INTS4: variants seen among roughly 807,000 people sequenced by gnomAD.
The protein encoded by INTS4 is integrator complex subunit 4.
Under a neutral mutation model 119.5 loss-of-function variants are expected in INTS4, and 70 were observed. That is an observed-to-expected ratio of 0.59 (90% CI 0.48 to 0.71). The LOEUF (loss-of-function observed/expected upper bound fraction) is 0.71. Ranked by LOEUF, INTS4 falls within the 30% of genes least tolerant of loss-of-function variation. The probability of loss-of-function intolerance (pLI) is 0.00; values close to 1 mark genes in which losing one functional copy is unlikely to be tolerated. For missense variants in INTS4, 867 were observed against 1,173.2 expected (o/e 0.74, Z 3.81); for synonymous variants, 316 against 419.6 (o/e 0.75, Z 3.02).
At chr11:77,938,222 T>C (rs1953848059) in intron 10 of INTS4, among the ~76,000 whole-genome samples, 1 of 152,204 alleles carries the variant, frequency 6.6e-6, no homozygotes, top group Admixed American at 6.5e-5. Context: ...CAGACATACC[T>C]AGGTTTAAAT....
chr11:77,906,205 G>A (rs1022350724), intron 16 of INTS4, among the ~76,000 whole-genome samples: 1 of 151,760 alleles, frequency 6.6e-6, no homozygotes, highest in Non-Finnish European at 1.5e-5. Context: ...CCTTCTTTTG[G>A]GTACATAACA....
intron 14 of INTS4, 45 bp downstream of exon 14, chr11:77,921,295 C>T (rs1301690353): frequency 6.3e-7 from 1 of 1,599,974 alleles, no homozygotes; most frequent in Admixed American, 1.7e-5. Context: ...AATAACCCTA[C>T]CCCATGCAAA....
chr11:77,879,799 C>G (rs1401478159), intron 22 of INTS4, among the ~76,000 whole-genome samples: 1 of 152,136 alleles, frequency 6.6e-6, no homozygotes, highest in Admixed American at 6.5e-5. Flanking sequence ...ACAACACACG[C>G]TCTAACCAAG....
rs549325995 is a variant in INTS4, at chr11:77,884,735, C to G, written c.2593-783G>C. ...TCTCTCCTCAGGTCATGGGGCCTCC[C>G]CCTGATTCTACACTTCTTTCTTTCT... On this transcript the variant is annotated intron_variant, in intron 21 of 22. Coordinates refer to ENST00000534064, the MANE Select transcript of INTS4 (RefSeq NM_033547.4). 6.3e-4 allele frequency: 222 copies of G among 351,296 alleles called. 1 individual carries two copies. The highest frequency in any genetic ancestry group is 4.4e-3 in the African/African-American group (210 of 47,626). 21.8% of individuals were successfully genotyped at this position (351,296 alleles called of 1,614,324 possible).
intron 21 of INTS4, among the ~76,000 whole-genome samples, chr11:77,889,014 T>G (rs11237318): frequency 0.2 from 30,871 of 152,120 alleles, 3,190 homozygotes; most frequent in Middle Eastern, 0.24. Flanking sequence ...GATGTCAGTG[T>G]GGCAATTCCT....
intron 14 of INTS4, among the ~76,000 whole-genome samples, chr11:77,920,184 CACATATATAT>C (rs1953308074): frequency 6.7e-6 from 1 of 148,558 alleles, no homozygotes; most frequent in South Asian, 2.1e-4. Flanking sequence ...TATACATATA[CACATATATAT>C]ACATATATAT....
At chr11:77,928,292 C>G in intron 11 of INTS4, 50 bp downstream of exon 11, 1 of 1,594,618 alleles carries the variant, frequency 6.3e-7, no homozygotes. Flanking sequence ...CTGATTTTAA[C>G]AGGGGGGGGT....
intron 15 of INTS4, among the ~76,000 whole-genome samples, chr11:77,909,733 A>G (rs1359702086): frequency 1.3e-5 from 2 of 152,250 alleles, no homozygotes; most frequent in African/African-American, 4.8e-5. Context: ...ATCTGCCTAT[A>G]GTAAGAAATT....
At chr11:77,879,174 G>A (rs1951696126) in intron 22 of INTS4, 47 bp from the exon 23 acceptor site, 1 of 1,595,422 alleles carries the variant, frequency 6.3e-7, no homozygotes, top group Non-Finnish European at 8.6e-7. Flanking sequence ...CAACTGCTAG[G>A]AATGAGGATG....
At chr11:77,969,025 C>T (rs1400430462) in intron 4 of INTS4, among the ~76,000 whole-genome samples, 2 of 152,012 alleles carry the variant, frequency 1.3e-5, no homozygotes, top group Admixed American at 6.6e-5. Context: ...CTCACTGCAG[C>T]CTCTGCCTCC....
chr11:77,960,970 C>T lies in INTS4; in HGVS notation c.640G>A (p.Ala214Thr). The change falls in exon 5 of 23, where the codon GCA (alanine) becomes ACA (threonine). Residue 214 changes from alanine to threonine, a missense_variant. Physicochemically the swap from Ala to Thr is moderately conservative, Grantham distance 58. Transcript: ENST00000534064. ...FSDQDPRVRT[A>T]AIKAMLQLHE... is the part of the protein sequence containing the mutation. The stretch of plus-strand genomic sequence containing the variant: ...ACATTTACCATGGCTTTTATAGCTG[C>T]TGTTCTGACACGTGGGTCTTGGTCA... The T allele has an allele frequency of 6.2e-7, 1 of 1,604,030 alleles. No homozygotes were observed.
chr11:77,971,850 C>T (rs990059447), intron 4 of INTS4, among the ~76,000 whole-genome samples: 11 of 152,018 alleles, frequency 7.2e-5, no homozygotes, highest in Non-Finnish European at 1.3e-4. Flanking sequence ...TCCAAAGACA[C>T]TAAAATATAC....
chr11:77,894,972 G>A (rs1952448675), intron 18 of INTS4, among the ~76,000 whole-genome samples: 1 of 152,080 alleles, frequency 6.6e-6, no homozygotes, highest in Non-Finnish European at 1.5e-5. Context: ...ATACTGTAAG[G>A]GCTCCAAGAA....
At chr11:77,942,621 C>G (rs1953955872) in intron 8 of INTS4, among the ~76,000 whole-genome samples, 2 of 152,090 alleles carry the variant, frequency 1.3e-5, no homozygotes, top group Admixed American at 6.5e-5. Flanking sequence ...TTACTCATTT[C>G]AAGTAAGGGA....
intron 15 of INTS4, among the ~76,000 whole-genome samples, chr11:77,913,714 G>A (rs1179948556): frequency 2.6e-5 from 4 of 152,098 alleles, no homozygotes; most frequent in African/African-American, 7.2e-5. Flanking sequence ...AATAATCTTC[G>A]CAACAGTTCT....
chr11:77,955,285 CG>C (rs1954290593), intron 8 of INTS4, among the ~76,000 whole-genome samples: 1 of 152,062 alleles, frequency 6.6e-6, no homozygotes, highest in Non-Finnish European at 1.5e-5. Context: ...TGCAGTGAGC[CG>C]TGACTGCACT....
At chr11:77,921,229 G>A in intron 14 of INTS4, 111 bp downstream of exon 14, 1 of 1,096,044 alleles carries the variant, frequency 9.1e-7, no homozygotes, top group Non-Finnish European at 1.3e-6. Flanking sequence ...CCAGGAGTTT[G>A]AGACCGCCCT....
At chr11:77,983,392 C>T (rs1485045156) in intron 2 of INTS4, among the ~76,000 whole-genome samples, 1 of 152,156 alleles carries the variant, frequency 6.6e-6, no homozygotes, top group East Asian at 1.9e-4. Flanking sequence ...GTGTGAGTCA[C>T]CATGCCCCAG....
chr11:77,917,204 A>G (rs2136470524), intron 15 of INTS4, among the ~76,000 whole-genome samples: 1 of 152,324 alleles, frequency 6.6e-6, no homozygotes, highest in Middle Eastern at 3.4e-3. Context: ...ATGGAATGAA[A>G]TCATCCACTA....
Sources: gnomAD v4.1 joint callset for allele counts (sites outside exome capture counted in the v4.1 genomes callset) on GRCh38, gnomAD v4.1.1 for gene constraint, MANE v1.5 for transcripts, NCBI Gene and HGNC (gene_info 2026-07-23, HGNC 2026-07-21) for gene names.